The following NTAQ1 variants were observed in gnomAD, a reference collection of about 807,000 sequenced individuals.
NTAQ1 encodes N-terminal glutamine amidase 1, also known as protein N-terminal glutamine amidohydrolase.
Under a neutral mutation model 28.2 loss-of-function variants are expected in NTAQ1, and 21 were observed. The ratio of observed to expected loss-of-function variants is 0.74; its 90% CI spans 0.53 to 1.07. The LOEUF (loss-of-function observed/expected upper bound fraction) is 1.07. Ranked by LOEUF, NTAQ1 falls within the 50% of genes least tolerant of loss-of-function variation. The pLI is 0.00. For missense variants in NTAQ1, 264 were observed against 256.6 expected, an observed-to-expected ratio of 1.03 and a Z score of -0.20; for synonymous variants, 105 against 90.0, an observed-to-expected ratio of 1.17 and a Z score of -0.94.
chr8:123,449,280 T>C (rs546179908), downstream of NTAQ1, among the ~76,000 whole-genome samples: 20 of 152,332 alleles, frequency 1.3e-4, no homozygotes, highest in African/African-American at 4.3e-4. Context: ...TGGATTCTCT[T>C]TGAGTCCCTT....
chr8:123,449,552 C>G (rs1360513803), downstream of NTAQ1, among the ~76,000 whole-genome samples: 3 of 152,196 alleles, frequency 2.0e-5, no homozygotes, highest in African/African-American at 7.2e-5. Flanking sequence ...CCTGGTGATT[C>G]AGCAGTGAGT....
Position 123,456,747 on chromosome 8 carries a change from C to T in NTAQ1, c.373-10332C>T, listed in dbSNP as rs1815660758. On this transcript the variant is annotated intron_variant, in intron 6 of 6. Transcript: ENST00000650311. ...AATGATTTTTACACCTGTTAGACTT[C>T]TAGGCATCTTGGAAACTTTCAGAAA... is the stretch of plus-strand genomic sequence containing the variant. 2.0e-5 allele frequency among the ~76,000 whole-genome samples: 3 copies of T among 152,308 alleles called. No homozygotes were observed. The South Asian group carries it at 6.2e-4, about 32-fold the overall frequency.
At chr8:123,451,830 T>A (rs945997986), downstream of NTAQ1, among the ~76,000 whole-genome samples, 2 of 152,218 alleles carry the variant, frequency 1.3e-5, no homozygotes, top group Non-Finnish European at 2.9e-5. Context: ...CCACTGGATC[T>A]CAGGATAATG....
At chr8:123,440,711 G>C (rs990441361) in intron 5 of NTAQ1, among the ~76,000 whole-genome samples, 5 of 151,916 alleles carry the variant, frequency 3.3e-5, no homozygotes, top group African/African-American at 1.2e-4. Context: ...TGTTGGCCAG[G>C]CTGTTCTCTT....
chr8:123,431,337 C>CAAAAAAAAAAAAAAAAAAAAAAAAAAAAA (rs35552563), intron 3 of NTAQ1, among the ~76,000 whole-genome samples: 1 of 124,238 alleles, frequency 8.0e-6, no homozygotes, highest in Non-Finnish European at 1.7e-5. Flanking sequence ...AACTCCATAT[C>CAAAAAAAAAAAAAAAAAAAAAAAAAAAAA]AAAAAAAAAA....
rs9297669 is a variant in NTAQ1, at chr8:123,436,449, T to C, written c.235-4T>C. On this transcript the variant is annotated splice_region_variant and splice_polypyrimidine_tract_variant and intron_variant, in intron 3 of 5. Transcript: ENST00000287387. Reference sequence around the variant, plus strand: ...TGGTTAACTTCAGCAACTTTTACTTTTAGGATTACCATGTTGTTTTGCTTC... The same window carrying C: ...TGGTTAACTTCAGCAACTTTTACTTCTAGGATTACCATGTTGTTTTGCTTC... 1,490,561 of 1,611,930 alleles carry C rather than the reference T, an allele frequency of 0.92. 689,704 individuals are homozygous for C. The highest frequency in any genetic ancestry group is 1 in the East Asian group (44,623 of 44,832).
At position 123,441,392 on chromosome 8, in the gene NTAQ1, C is replaced by T. The variant is rs911948342; in HGVS notation, c.595C>T (p.Arg199Trp). Reference sequence around the variant, plus strand: ...CTACACACTATCCGAATTTACACATCGGTTTGGCAGTAAAAACTGCTGAAC... The same window carrying T: ...CTACACACTATCCGAATTTACACATTGGTTTGGCAGTAAAAACTGCTGAAC... ...AVYTLSEFTH[R>W]FGSKNC is the part of the protein sequence containing the mutation. Residue 199 changes from arginine to tryptophan, a missense_variant, in exon 6 of 6, where the codon CGG becomes TGG. By Grantham distance (101) the Arg-to-Trp change is moderately radical. Transcript: ENST00000287387. The T allele has an allele frequency of 1.2e-5, 19 of 1,609,236 alleles. No homozygotes were observed. Among genetic ancestry groups the T allele is most frequent in the South Asian group, 2.2e-5 (2 of 90,200 alleles).
At chr8:123,416,973 C>T (rs1476787204) in intron 1 of NTAQ1, 41 bp downstream of exon 1, 2 of 1,402,882 alleles carry the variant, frequency 1.4e-6, no homozygotes. Flanking sequence ...TCCCAGGCTC[C>T]CGGGCGGCGA....
intron 3 of NTAQ1, among the ~76,000 whole-genome samples, chr8:123,432,628 T>A (rs1814464564): frequency 6.6e-6 from 1 of 151,354 alleles, no homozygotes; most frequent in Admixed American, 6.6e-5. Context: ...CAATGAGACT[T>A]CATCTCAAAA....
At position 123,430,344 on chromosome 8, in the gene NTAQ1, T is replaced by TA. The variant is rs34021935; in HGVS notation, c.234+316dup. ...CACATTAGAATTATCTGGAGACTGT[T>TA]AAAAATGTAGTTTTCGGCTGGGCGC... On this transcript the variant is annotated intron_variant, in intron 3 of 5. Transcript: ENST00000287387. Among the ~76,000 whole-genome samples, 423 of 152,300 alleles carry TA rather than the reference T, an allele frequency of 2.8e-3. 2 individuals are homozygous for TA. Among genetic ancestry groups the TA allele is most frequent in the African/African-American group, 9.5e-3 (395 of 41,572 alleles).
intron 1 of NTAQ1, among the ~76,000 whole-genome samples, chr8:123,419,733 G>GCCCGCCCTCCCTCCCTCCCTCCCTCCCT (rs1469498585): frequency 1.4e-5 from 1 of 71,240 alleles, no homozygotes; most frequent in African/African-American, 5.4e-5. Context: ...CAAATCCACA[G>GCCCGCCCTCCCTCCCTCCCTCCCTCCCT]CCCTCCCTCC....
intron 6 of NTAQ1, among the ~76,000 whole-genome samples, chr8:123,465,574 C>CTTTTTTTTTTT (rs71310691): frequency 7.6e-5 from 6 of 78,560 alleles, no homozygotes; most frequent in African/African-American, 1.0e-4. Context: ...AGCATAACAT[C>CTTTTTTTTTTT]TTTTTTTTTT....
chr8:123,470,687 C>T (rs1219679557), downstream of NTAQ1, among the ~76,000 whole-genome samples: 5 of 152,152 alleles, frequency 3.3e-5, no homozygotes, highest in Non-Finnish European at 7.4e-5. Flanking sequence ...GTTGTTTTTA[C>T]AATAGAAGTT....
chr8:123,460,924 A>G (rs2130423538), intron 6 of NTAQ1, among the ~76,000 whole-genome samples: 1 of 152,300 alleles, frequency 6.6e-6, no homozygotes, highest in South Asian at 2.1e-4. Context: ...TGACTTCTAC[A>G]TTCAGGCACA....
rs145734272 is a variant in NTAQ1, at chr8:123,437,241, T to C, written c.415T>C (p.Leu139=). 1.8e-5 allele frequency: 29 copies of C among 1,614,018 alleles called. No individual in the cohort carries two copies. Among genetic ancestry groups the C allele is most frequent in the Non-Finnish European group, 2.4e-5 (28 of 1,180,006 alleles). The change falls in exon 5 of 6, where the codon TTG becomes CTG. Residue 139 remains leucine (L), a synonymous_variant. Coordinates refer to ENST00000287387, the MANE Select transcript of NTAQ1 (RefSeq NM_018024.3). ...TAGAGTGATCCGTGCAGATTCATATTTGAAGAACTTTGCTTCTGACCGATC... is the reference window on the plus strand; with the variant it reads ...TAGAGTGATCCGTGCAGATTCATATCTGAAGAACTTTGCTTCTGACCGATC... ...KFRVIRADSY[L]KNFASDRSHM...
downstream of NTAQ1, among the ~76,000 whole-genome samples, chr8:123,470,317 G>C (rs573103083): frequency 4.6e-5 from 7 of 152,308 alleles, no homozygotes; most frequent in South Asian, 1.4e-3. Context: ...ATCCTCTCAA[G>C]GGTTCGTGAA....
chr8:123,474,439 ATGT>A (rs1347900577), downstream of NTAQ1, among the ~76,000 whole-genome samples: 3 of 152,206 alleles, frequency 2.0e-5, no homozygotes, highest in African/African-American at 7.2e-5. Flanking sequence ...CTCAGAAGTA[ATGT>A]TGTGTCCTTT....
rs1374306656 is a variant in NTAQ1, at chr8:123,442,087, A to G, written c.*672A>G. ...AAATACCTAAATATGCCTCAATTGT[A>G]GATGAGAACCAGGGCTTTAAAAAAT... On this transcript the variant is annotated 3_prime_UTR_variant, in exon 6 of 6. Transcript: ENST00000287387. The G allele has an allele frequency of 6.6e-6, 1 of 152,572 alleles. No individual in the cohort carries two copies. Among genetic ancestry groups the G allele is most frequent in the Non-Finnish European group, 1.5e-5 (1 of 68,068 alleles). The allele number at this position is 152,572 out of a possible 1,614,324, so 9.5% of individuals were successfully genotyped here.
Position 123,441,606 on chromosome 8 carries a change from A to T in NTAQ1, c.*191A>T, listed in dbSNP as rs1461188289. 1 of 605,298 alleles carries T rather than the reference A, an allele frequency of 1.7e-6. No homozygotes were observed. Among genetic ancestry groups the T allele is most frequent in the Non-Finnish European group, 2.9e-6 (1 of 343,004 alleles). 37.5% of individuals were successfully genotyped at this position (605,298 alleles called of 1,614,324 possible). On this transcript the variant is annotated 3_prime_UTR_variant, in exon 6 of 6. Coordinates refer to ENST00000287387, the MANE Select transcript of NTAQ1 (RefSeq NM_018024.3). Reference sequence around the variant, plus strand: ...TAAAAACTTTTGTTTTGACATGTCAAATTGAAACTTGATAAAGTGCGTACT... The same window carrying T: ...TAAAAACTTTTGTTTTGACATGTCATATTGAAACTTGATAAAGTGCGTACT...
Sources: allele counts gnomAD v4.1 joint callset (sites outside exome capture counted in the v4.1 genomes callset), GRCh38; gene constraint gnomAD v4.1.1; transcripts MANE v1.5; gene names NCBI Gene and HGNC (gene_info 2026-07-23, HGNC 2026-07-21).